The following LRRC4C variants were observed in gnomAD, a reference collection of about 807,000 sequenced individuals.
The protein encoded by LRRC4C is leucine-rich repeat-containing protein 4C.
Under a neutral mutation model 33.6 loss-of-function variants are expected in LRRC4C, and 5 were observed. That is an observed-to-expected ratio of 0.15 (90% confidence interval 0.08 to 0.31). The LOEUF is 0.31. Ranked by LOEUF, LRRC4C falls within the 10% of genes least tolerant of loss-of-function variation. The probability of loss-of-function intolerance (pLI) is 1.00; values close to 1 mark genes in which losing one functional copy is unlikely to be tolerated. For synonymous variants in LRRC4C, 329 were observed against 302.0 expected (o/e 1.09, Z -0.93); for missense variants, 560 against 796.7 (o/e 0.70, Z 3.58).
At chr11:40,593,271 A>G (rs1406317522) in intron 3 of LRRC4C, among the ~76,000 whole-genome samples, 1 of 152,218 alleles carries the variant, frequency 6.6e-6, no homozygotes, top group Non-Finnish European at 1.5e-5. Context: ...GACTTAAACA[A>G]CTTTAGAGAG....
At chr11:40,283,879 T>A (rs1943656023) in intron 4 of LRRC4C, among the ~76,000 whole-genome samples, 1 of 151,772 alleles carries the variant, frequency 6.6e-6, no homozygotes, top group Admixed American at 6.6e-5. Context: ...TCATTTTGCA[T>A]ATTTAGTAGA....
chr11:40,176,657 C>T (rs1052918223), intron 5 of LRRC4C, among the ~76,000 whole-genome samples: 17 of 151,852 alleles, frequency 1.1e-4, no homozygotes, highest in African/African-American at 3.9e-4. Flanking sequence ...CCTCCAGCCT[C>T]AGCCTCTTCA....
chr11:40,669,010 T>G (rs139914990), intron 2 of LRRC4C, among the ~76,000 whole-genome samples: 22 of 152,350 alleles, frequency 1.4e-4, no homozygotes, highest in Middle Eastern at 3.4e-3. Flanking sequence ...TCTCTACGGT[T>G]GTTGTGTTTT....
At position 40,252,886 on chromosome 11, in the gene LRRC4C, T is replaced by C. The variant is rs535656975; in HGVS notation, c.-175-11288A>G. 2.0e-5 allele frequency among the ~76,000 whole-genome samples: 3 copies of C among 152,338 alleles called. No individual in the cohort carries two copies. The East Asian group carries it at 5.8e-4, about 29-fold the overall frequency. On this transcript the variant is annotated intron_variant, in intron 4 of 6. Transcript: ENST00000528697. ...ACTGCACAAAATATCATCAATACTT[T>C]CTTTCTGAAAAATAGGAGACTTTAG...
intron 5 of LRRC4C, among the ~76,000 whole-genome samples, chr11:40,182,331 T>A (rs548815769): frequency 9.9e-5 from 15 of 152,014 alleles, no homozygotes; most frequent in Non-Finnish European, 2.2e-4. Context: ...GATATAAACC[T>A]CACATACCAC....
intron 1 of LRRC4C, among the ~76,000 whole-genome samples, chr11:41,152,530 G>A (rs376896909): frequency 3.0e-4 from 46 of 152,272 alleles, no homozygotes; most frequent in African/African-American, 1.1e-3. Context: ...GCAGGAGAAA[G>A]TGCAGTTTTA....
intron 1 of LRRC4C, among the ~76,000 whole-genome samples, chr11:41,268,335 C>T (rs950582921): frequency 1.3e-5 from 2 of 152,092 alleles, no homozygotes; most frequent in African/African-American, 4.8e-5. Context: ...TTGATCACAG[C>T]CTTGCAGAGG....
intron 1 of LRRC4C, among the ~76,000 whole-genome samples, chr11:40,964,625 G>T (rs1378631062): frequency 6.7e-6 from 1 of 149,946 alleles, no homozygotes; most frequent in Non-Finnish European, 1.5e-5. Context: ...GCGGTGTTTG[G>T]TTTTTTGTCC....
chr11:41,133,918 A>G lies in LRRC4C; in HGVS notation c.-495-200195T>C, dbSNP rs1019030736. On this transcript the variant is annotated intron_variant, in intron 1 of 6. Transcript: ENST00000528697. ...TGCTTCAAGATAGTCTGCTGAAACT[A>G]TGTATACCTTCCAAGTATTGATTTA... Among the ~76,000 whole-genome samples, 7 of 152,082 alleles carry G rather than the reference A, an allele frequency of 4.6e-5. No individual in the cohort carries two copies. In the East Asian group the frequency reaches 1.4e-3, roughly 29 times the overall value.
At chr11:41,452,225 G>A (rs1041976876) in intron 1 of LRRC4C, among the ~76,000 whole-genome samples, 1 of 151,958 alleles carries the variant, frequency 6.6e-6, no homozygotes, top group Non-Finnish European at 1.5e-5. Context: ...TGCTTACTTG[G>A]CCTTTGTTTC....
intron 5 of LRRC4C, among the ~76,000 whole-genome samples, chr11:40,171,721 A>G (rs537283490): frequency 6.6e-6 from 1 of 152,232 alleles, no homozygotes; most frequent in South Asian, 2.1e-4. Context: ...CAACCGATCT[A>G]ATTTAATCTA....
At chr11:41,318,271 C>T (rs904403578) in intron 1 of LRRC4C, among the ~76,000 whole-genome samples, 1 of 151,340 alleles carries the variant, frequency 6.6e-6, no homozygotes, top group African/African-American at 2.4e-5. Context: ...CTTCTCTTGG[C>T]TAATTTCTGG....
At chr11:41,297,836 G>T (rs868649366) in intron 1 of LRRC4C, among the ~76,000 whole-genome samples, 4 of 152,040 alleles carry the variant, frequency 2.6e-5, no homozygotes, top group Non-Finnish European at 4.4e-5. Flanking sequence ...ATATTTATCC[G>T]CAGAATCTGG....
intron 1 of LRRC4C, among the ~76,000 whole-genome samples, chr11:41,170,793 A>C (rs771652055): frequency 2.6e-5 from 4 of 152,240 alleles, no homozygotes; most frequent in Non-Finnish European, 5.9e-5. Flanking sequence ...AAAGCAAAAG[A>C]AACAACCATC....
At chr11:40,879,374 A>G (rs1336946332) in intron 2 of LRRC4C, among the ~76,000 whole-genome samples, 1 of 152,176 alleles carries the variant, frequency 6.6e-6, no homozygotes, top group Non-Finnish European at 1.5e-5. Flanking sequence ...TGTCAATAAC[A>G]CAAAGCCACC....
intron 3 of LRRC4C, among the ~76,000 whole-genome samples, chr11:40,542,696 T>G (rs2135396110): frequency 6.6e-6 from 1 of 152,252 alleles, no homozygotes; most frequent in South Asian, 2.1e-4. Flanking sequence ...TGGTTAGATT[T>G]ATTCCCATTC....
chr11:40,319,575 A>G (rs1331183884), intron 4 of LRRC4C, 53 bp downstream of exon 4: 1 of 152,118 alleles, frequency 6.6e-6, no homozygotes, highest in Non-Finnish European at 1.5e-5. Context: ...TCTGAACTAG[A>G]GCAGCTAGAA....
intron 2 of LRRC4C, among the ~76,000 whole-genome samples, chr11:40,868,879 A>G (rs1954496926): frequency 6.6e-6 from 1 of 152,186 alleles, no homozygotes; most frequent in Admixed American, 6.5e-5. Context: ...TAAGTAAGTC[A>G]TACAGAAGGA....
intron 3 of LRRC4C, among the ~76,000 whole-genome samples, chr11:40,383,742 T>A (rs1948987420): frequency 6.6e-6 from 1 of 151,764 alleles, no homozygotes; most frequent in South Asian, 2.1e-4. Flanking sequence ...CAGGGTGCAG[T>A]GACACTATCA....
Sources: gnomAD v4.1 joint callset for allele counts (sites outside exome capture counted in the v4.1 genomes callset) on GRCh38, gnomAD v4.1.1 for gene constraint, MANE v1.5 for transcripts, NCBI Gene and HGNC (gene_info 2026-07-23, HGNC 2026-07-21) for gene names.